Variants in TLL2 observed in about 807,000 individuals in gnomAD.
TLL2 encodes tolloid-like protein 2.
Under a neutral mutation model 123.0 loss-of-function variants are expected in TLL2, and 106 were observed. The observed-to-expected ratio is 0.86, with a 90% CI of 0.74 to 1.01. The LOEUF is 1.01. Among genes scored for constraint, TLL2 ranks in the 50% least tolerant of loss-of-function variants. The probability of loss-of-function intolerance (pLI) is 0.00; values close to 1 mark genes in which losing one functional copy is unlikely to be tolerated. For synonymous variants in TLL2, 494 were observed against 516.8 expected, an observed-to-expected ratio of 0.96 and a Z score of 0.60; for missense variants, 1,332 against 1,336.7, an observed-to-expected ratio of 1.00 and a Z score of 0.06.
chr10:96,412,728 A>C (rs1846519064), intron 8 of TLL2, among the ~76,000 whole-genome samples: 1 of 152,182 alleles, frequency 6.6e-6, no homozygotes, highest in African/African-American at 2.4e-5. Context: ...TCCACCTTGT[A>C]GCATTTGGGA....
intron 2 of TLL2, among the ~76,000 whole-genome samples, chr10:96,472,662 T>C (rs1486018931): frequency 6.6e-6 from 1 of 151,830 alleles, no homozygotes; most frequent in Non-Finnish European, 1.5e-5. Flanking sequence ...CTCAGGAGGC[T>C]GAGGTGAGAG....
intron 1 of TLL2, among the ~76,000 whole-genome samples, chr10:96,503,228 G>T (rs1231987752): frequency 6.6e-6 from 1 of 152,032 alleles, no homozygotes; most frequent in East Asian, 1.9e-4. Context: ...GCATTCACAG[G>T]CCAGTGAGGT....
intron 1 of TLL2, among the ~76,000 whole-genome samples, chr10:96,484,148 A>C (rs1847336754): frequency 6.6e-6 from 1 of 152,246 alleles, no homozygotes; most frequent in Middle Eastern, 3.4e-3. Flanking sequence ...CTGGCCCACC[A>C]TGATTTTTTT....
chr10:96,373,861 T>A, intron 18 of TLL2, 52 bp from the exon 19 acceptor site: 1 of 1,555,018 alleles, frequency 6.4e-7, no homozygotes, highest in Non-Finnish European at 8.8e-7. Flanking sequence ...TCAGCTGGGG[T>A]GGGGGCCTCC....
At chr10:96,482,522 C>A (rs756798066) in intron 1 of TLL2, among the ~76,000 whole-genome samples, 5 of 152,178 alleles carry the variant, frequency 3.3e-5, no homozygotes, top group Non-Finnish European at 7.3e-5. Context: ...GACACAGGCT[C>A]CAACGTGTAT....
intron 1 of TLL2, 111 bp downstream of exon 1, chr10:96,513,400 A>AG: frequency 1.5e-6 from 2 of 1,343,938 alleles, no homozygotes; most frequent in South Asian, 2.6e-5. Flanking sequence ...CGGGGATCTC[A>AG]GGGGAGGGGA....
At chr10:96,504,106 G>T (rs1026007890) in intron 1 of TLL2, among the ~76,000 whole-genome samples, 3 of 149,992 alleles carry the variant, frequency 2.0e-5, no homozygotes, top group African/African-American at 7.6e-5. Flanking sequence ...TCCTGCGAGT[G>T]CTCCCATCAA....
chr10:96,427,556 A>G (rs1004062948), intron 5 of TLL2, among the ~76,000 whole-genome samples: 6 of 152,164 alleles, frequency 3.9e-5, no homozygotes, highest in African/African-American at 1.4e-4. Context: ...TGTCCCTTAT[A>G]CCCTTTCTCA....
In TLL2 at chr10:96,513,888, T is replaced by G; in HGVS notation, c.-203A>C. 1.8e-6 allele frequency: 1 copy of G among 551,982 alleles called. No homozygotes were observed. The highest frequency in any genetic ancestry group is 3.0e-6 in the Non-Finnish European group (1 of 336,764). 34.2% of individuals were successfully genotyped at this position (551,982 alleles called of 1,614,324 possible). A position where few individuals can be genotyped will look rare whatever the true frequency, so the allele number is the denominator to read the frequency against. On this transcript the variant is annotated 5_prime_UTR_variant, in exon 1 of 21. Coordinates refer to ENST00000357947, the MANE Select transcript of TLL2 (RefSeq NM_012465.4). ...CAACCGGGAAGCAGCCGCTCGGAGC[T>G]ACTTGCCCGGCGGCCGAGGCTGCGG...
chr10:96,465,438 C>T (rs1275894325), intron 2 of TLL2, among the ~76,000 whole-genome samples: 5 of 152,200 alleles, frequency 3.3e-5, no homozygotes, highest in Non-Finnish European at 5.9e-5. Context: ...CCTCTGTTTG[C>T]CTTTTCTGTG....
chr10:96,382,799 T>C (rs1232121217), intron 16 of TLL2, among the ~76,000 whole-genome samples: 1 of 152,236 alleles, frequency 6.6e-6, no homozygotes, highest in Non-Finnish European at 1.5e-5. Context: ...TTCTGTTCAC[T>C]ATAAATTACC....
chr10:96,396,055 G>T (rs369438129), intron 11 of TLL2, 35 bp from the exon 12 acceptor site: 37 of 1,610,036 alleles, frequency 2.3e-5, no homozygotes, highest in African/African-American at 1.2e-4. Context: ...GAAGACGGGG[G>T]CCCTGGTCAG....
At chr10:96,512,976 G>A (rs1030660076) in intron 1 of TLL2, among the ~76,000 whole-genome samples, 21 of 152,260 alleles carry the variant, frequency 1.4e-4, no homozygotes, top group Non-Finnish European at 5.9e-5. Context: ...GGCTATTCGA[G>A]TCTTGCTCAT....
Position 96,420,959 on chromosome 10 carries a change from G to T in TLL2, c.920C>A (p.Ser307Ter). The T allele has an allele frequency of 6.2e-7, 1 of 1,613,956 alleles. No individual in the cohort carries two copies. Among genetic ancestry groups the T allele is most frequent in the Non-Finnish European group, 8.5e-7 (1 of 1,179,880 alleles). Residue 307 changes from serine to a stop codon, truncating the protein, a stop_gained, in exon 7 of 21, where the codon TCA (serine) becomes TAA (stop). Coordinates refer to ENST00000357947, the MANE Select transcript of TLL2 (RefSeq NM_012465.4). LOFTEE classifies it high-confidence loss of function. ...AGGCATAAGCATAGATTCCGACCTT[G>T]AGAAGGTGTTCCGGGCGTAGTGCAT... The part of the protein sequence containing the change: ...SIMHYARNTF[S>*]RGVFLDTILP...
intron 1 of TLL2, among the ~76,000 whole-genome samples, chr10:96,501,383 C>T (rs1847531856): frequency 6.6e-6 from 1 of 152,192 alleles, no homozygotes; most frequent in South Asian, 2.1e-4. Flanking sequence ...CCCTCCCTTC[C>T]CATTCTCAAG....
rs188634253 is a variant in TLL2 at position 96,429,584 on chromosome 10, T to C, written c.521-836A>G. ...TATTTTCCAAACTTTTACAAAACCTTATCCAGGTTTTTCGATTTGGAAACT... is the reference window on the plus strand; with the variant it reads ...TATTTTCCAAACTTTTACAAAACCTCATCCAGGTTTTTCGATTTGGAAACT... On this transcript the variant is annotated intron_variant, in intron 4 of 20. Transcript: ENST00000357947. Among the ~76,000 whole-genome samples the C allele has an allele frequency of 3.9e-5, 6 of 152,364 alleles. No individual in the cohort carries two copies. In the East Asian group the frequency reaches 1.2e-3, roughly 29 times the overall value.
intron 4 of TLL2, 63 bp from the exon 5 acceptor site, chr10:96,428,811 T>C (rs1411126726): frequency 1.7e-6 from 2 of 1,157,970 alleles, no homozygotes; most frequent in African/African-American, 1.6e-5. Flanking sequence ...AGATGCTTTT[T>C]TTTTTCTTTC....
At chr10:96,382,211 A>G (rs1239194416) in intron 16 of TLL2, among the ~76,000 whole-genome samples, 1 of 151,986 alleles carries the variant, frequency 6.6e-6, no homozygotes, top group Non-Finnish European at 1.5e-5. Context: ...TTGCATTTTT[A>G]GTAGAGACGG....
chr10:96,419,214 T>C (rs1846595512), intron 7 of TLL2, among the ~76,000 whole-genome samples: 1 of 152,132 alleles, frequency 6.6e-6, no homozygotes, highest in African/African-American at 2.4e-5. Flanking sequence ...CAGCTTCAGA[T>C]TTCCTGTATG....
Sources: allele counts gnomAD v4.1 joint callset (sites outside exome capture counted in the v4.1 genomes callset), GRCh38; gene constraint gnomAD v4.1.1; transcripts MANE v1.5; gene names NCBI Gene and HGNC (gene_info 2026-07-23, HGNC 2026-07-21).